Variants in TTC28 observed in about 807,000 individuals in gnomAD.
TTC28 encodes tetratricopeptide repeat protein 28.
Under a neutral mutation model 198.0 loss-of-function variants are expected in TTC28, and 61 were observed. The observed-to-expected ratio is 0.31, with a 90% CI of 0.25 to 0.38. TTC28 has a LOEUF of 0.38. Among genes scored for constraint, TTC28 ranks in the 10% least tolerant of loss-of-function variants. The pLI is 1.00. For missense variants in TTC28, 2,678 were observed against 3,164.0 expected (o/e 0.85, Z 3.69); for synonymous variants, 1,171 against 1,297.8 (o/e 0.90, Z 2.10).
intron 2 of TTC28, among the ~76,000 whole-genome samples, chr22:28,565,668 T>C (rs1457980372): frequency 6.6e-6 from 1 of 152,176 alleles, no homozygotes; most frequent in Non-Finnish European, 1.5e-5. Context: ...ATATTTACTA[T>C]TAAAGATGGA....
intron 1 of TTC28, among the ~76,000 whole-genome samples, chr22:28,657,461 T>C (rs2051677332): frequency 2.0e-5 from 3 of 152,198 alleles, no homozygotes; most frequent in Non-Finnish European, 4.4e-5. Flanking sequence ...CAGAATAAAG[T>C]GGGCAGAATA....
At chr22:28,574,893 A>G (rs2050122038) in intron 2 of TTC28, among the ~76,000 whole-genome samples, 1 of 151,770 alleles carries the variant, frequency 6.6e-6, no homozygotes, top group African/African-American at 2.4e-5. Flanking sequence ...TTTCCCATAG[A>G]GTTGTTTGAG....
chr22:28,221,314 G>T (rs546611492), intron 5 of TTC28, among the ~76,000 whole-genome samples: 2 of 152,260 alleles, frequency 1.3e-5, no homozygotes, highest in East Asian at 3.9e-4. Context: ...CTGAGCTCAG[G>T]GAGCTTATGA....
intron 21 of TTC28, among the ~76,000 whole-genome samples, chr22:27,989,404 C>T (rs1348284741): frequency 1.3e-5 from 2 of 152,158 alleles, no homozygotes; most frequent in African/African-American, 4.8e-5. Context: ...ATACTAGAGT[C>T]TAGCAGGTTC....
intron 5 of TTC28, among the ~76,000 whole-genome samples, chr22:28,257,279 T>C (rs1930995298): frequency 6.6e-6 from 1 of 152,080 alleles, no homozygotes; most frequent in Non-Finnish European, 1.5e-5. Context: ...GAAATCGACA[T>C]ATCAAAGAGA....
intron 3 of TTC28, among the ~76,000 whole-genome samples, chr22:28,304,223 T>C (rs751191791): frequency 1.3e-3 from 203 of 151,472 alleles, no homozygotes; most frequent in Middle Eastern, 3.4e-3. Context: ...AGGCGGAGCT[T>C]GCAGTGAGCC....
Position 28,209,618 on chromosome 22 carries a change from T to C in TTC28, c.934-46019A>G, listed in dbSNP as rs577457735. ...GCGTCTGCCATTGCTGAGTCTTGAG[T>C]AGGTAAACAAAGCTGCCCAGAAGCT... On this transcript the variant is annotated intron_variant, in intron 5 of 22. Transcript: ENST00000397906. Among the ~76,000 whole-genome samples the C allele has an allele frequency of 3.2e-4, 49 of 152,190 alleles. No individual in the cohort carries two copies. The South Asian group carries it at 1.0e-2, about 31-fold the overall frequency.
chr22:28,632,759 G>T (rs1441001968), intron 1 of TTC28, among the ~76,000 whole-genome samples: 1 of 146,638 alleles, frequency 6.8e-6, no homozygotes, highest in Non-Finnish European at 1.5e-5. Flanking sequence ...TAAGTAGCCT[G>T]TAAGTTATTA....
chr22:28,534,103 T>C (rs942182880), intron 2 of TTC28, among the ~76,000 whole-genome samples: 3 of 152,126 alleles, frequency 2.0e-5, no homozygotes, highest in African/African-American at 7.2e-5. Flanking sequence ...CAAAAGAAAG[T>C]ACCATCAGAG....
chr22:28,089,368 C>T (rs1443239041), intron 12 of TTC28, among the ~76,000 whole-genome samples: 3 of 151,776 alleles, frequency 2.0e-5, no homozygotes, highest in African/African-American at 7.3e-5. Context: ...TTTGTAGGGA[C>T]ATGGATGAAA....
At chr22:28,216,961 C>A (rs1037214386) in intron 5 of TTC28, among the ~76,000 whole-genome samples, 1 of 152,102 alleles carries the variant, frequency 6.6e-6, no homozygotes, top group East Asian at 1.9e-4. Context: ...AAGCGATCGT[C>A]CTTCCTCAGC....
intron 12 of TTC28, among the ~76,000 whole-genome samples, chr22:28,044,701 G>A (rs759701917): frequency 5.3e-5 from 8 of 152,152 alleles, no homozygotes; most frequent in Non-Finnish European, 7.3e-5. Context: ...AGAACATGTG[G>A]TGTTTGGTTG....
In TTC28 at chr22:28,207,939, C is replaced by T. The variant is rs116102765; in HGVS notation, c.934-44340G>A. ...AGAACTTGACTCGCATGAGGTTTGT[C>T]TCAAGAAGCTGTGCACCCTGTGGGC... On this transcript the variant is annotated intron_variant, in intron 5 of 22. Coordinates refer to ENST00000397906, the MANE Select transcript of TTC28 (RefSeq NM_001145418.2). Among the ~76,000 whole-genome samples, 1,443 of 152,164 alleles carry T rather than the reference C, an allele frequency of 9.5e-3. 23 individuals carry two copies. Among genetic ancestry groups the T allele is most frequent in the African/African-American group, 0.033 (1,365 of 41,500 alleles).
intron 12 of TTC28, among the ~76,000 whole-genome samples, chr22:28,054,996 A>G (rs1940226939): frequency 6.6e-6 from 1 of 152,152 alleles, no homozygotes; most frequent in African/African-American, 2.4e-5. Context: ...CTGGAGCCAC[A>G]CCCTGCAGCA....
intron 12 of TTC28, among the ~76,000 whole-genome samples, chr22:28,081,672 A>G (rs1941368618): frequency 6.6e-6 from 1 of 151,932 alleles, no homozygotes; most frequent in African/African-American, 2.4e-5. Flanking sequence ...TTGTACATTT[A>G]GTAGAGACGA....
chr22:28,284,070 G>C (rs904102823), intron 5 of TTC28, among the ~76,000 whole-genome samples: 1 of 152,106 alleles, frequency 6.6e-6, no homozygotes. Flanking sequence ...CAAACCAACA[G>C]GCATTTATCA....
At chr22:27,996,388 T>C (rs1248492178) in intron 16 of TTC28, 129 bp from the exon 17 acceptor site, 26 of 1,385,384 alleles carry the variant, frequency 1.9e-5, no homozygotes. Context: ...GGGGAGCAGC[T>C]CACAGGCTGG....
chr22:28,542,849 G>C (rs1042859631), intron 2 of TTC28, among the ~76,000 whole-genome samples: 1 of 151,776 alleles, frequency 6.6e-6, no homozygotes, highest in African/African-American at 2.4e-5. Flanking sequence ...CAAAATCAAT[G>C]ATAGAAAAAC....
At chr22:28,583,991 TTTTG>T (rs1176526657) in intron 2 of TTC28, among the ~76,000 whole-genome samples, 1 of 150,548 alleles carries the variant, frequency 6.6e-6, no homozygotes. Context: ...TCCGTTTTTT[TTTTG>T]TTTTGTTTTT....
Sources: allele counts gnomAD v4.1 joint callset (sites outside exome capture counted in the v4.1 genomes callset), GRCh38; gene constraint gnomAD v4.1.1; transcripts MANE v1.5; gene names NCBI Gene and HGNC (gene_info 2026-07-23, HGNC 2026-07-21).